PIK3C3: variants seen among roughly 807,000 people sequenced by gnomAD.
PIK3C3 encodes phosphatidylinositol 3-kinase catalytic subunit type 3.
Under a neutral mutation model 126.1 loss-of-function variants are expected in PIK3C3, and 95 were observed. The observed-to-expected ratio is 0.75, with a 90% CI of 0.64 to 0.89. PIK3C3 has a LOEUF of 0.89. Among genes scored for constraint, PIK3C3 ranks in the 40% least tolerant of loss-of-function variants. The pLI is 0.00. For synonymous variants in PIK3C3, 374 were observed against 360.0 expected, an observed-to-expected ratio of 1.04 and a Z score of -0.44; for missense variants, 829 against 1,063.2, an observed-to-expected ratio of 0.78 and a Z score of 3.06.
intron 2 of PIK3C3, among the ~76,000 whole-genome samples, chr18:41,958,586 C>G (rs1212948981): frequency 1.3e-5 from 2 of 152,082 alleles, no homozygotes; most frequent in Non-Finnish European, 2.9e-5. Context: ...GTGATCTGGC[C>G]ATATCGAAAC....
intron 4 of PIK3C3, among the ~76,000 whole-genome samples, chr18:41,982,555 C>G (rs1378778145): frequency 6.6e-6 from 1 of 152,156 alleles, no homozygotes; most frequent in African/African-American, 2.4e-5. Context: ...CCCAACGGAG[C>G]TTTCTCCACA....
At chr18:42,002,562 A>G (rs1029599705) in intron 9 of PIK3C3, among the ~76,000 whole-genome samples, 2 of 152,212 alleles carry the variant, frequency 1.3e-5, no homozygotes, top group Non-Finnish European at 1.5e-5. Flanking sequence ...TTGGTTCATT[A>G]TAGTTAAAAT....
intron 13 of PIK3C3, among the ~76,000 whole-genome samples, chr18:42,022,818 A>G (rs1277123178): frequency 6.6e-6 from 1 of 152,122 alleles, no homozygotes; most frequent in Admixed American, 6.6e-5. Flanking sequence ...TCTTTCTTTG[A>G]AAGGTTTACT....
At chr18:41,972,308 T>G (rs1980709223) in intron 4 of PIK3C3, among the ~76,000 whole-genome samples, 1 of 152,064 alleles carries the variant, frequency 6.6e-6, no homozygotes, top group Non-Finnish European at 1.5e-5. Flanking sequence ...GAAAGAAGCC[T>G]TCTTAATGTT....
intron 3 of PIK3C3, among the ~76,000 whole-genome samples, chr18:41,968,050 T>C (rs1449284494): frequency 2.0e-5 from 3 of 152,218 alleles, no homozygotes; most frequent in Non-Finnish European, 4.4e-5. Flanking sequence ...AAGTAATATG[T>C]TCACTTGCTC....
chr18:42,036,584 T>A (rs2144460231), intron 16 of PIK3C3, among the ~76,000 whole-genome samples: 1 of 152,182 alleles, frequency 6.6e-6, no homozygotes. Context: ...AGCATGCCAC[T>A]TTATGTGAGG....
chr18:41,958,426 T>G (rs1421104004), intron 2 of PIK3C3, among the ~76,000 whole-genome samples: 1 of 152,178 alleles, frequency 6.6e-6, no homozygotes, highest in Non-Finnish European at 1.5e-5. Context: ...ATACACAGGC[T>G]GTATGCTTTT....
rs1169570578 is a variant in PIK3C3, at chr18:42,060,816, CAAGT to C, written c.2432+2769_2432+2772del. On this transcript the variant is annotated intron_variant, in intron 22 of 24. Coordinates refer to ENST00000262039, the MANE Select transcript of PIK3C3 (RefSeq NM_002647.4). ...AATTTAAAAAAATGTGTTTAACTATCAAGTAAGGTTCTCATATTGTCTCAGAGAT... is the reference window on the plus strand; with the variant it reads ...AATTTAAAAAAATGTGTTTAACTATCAAGGTTCTCATATTGTCTCAGAGAT... Among the ~76,000 whole-genome samples, 4 of 152,050 alleles carry C rather than the reference CAAGT, an allele frequency of 2.6e-5. No homozygotes were observed. The South Asian group carries it at 8.3e-4, about 32-fold the overall frequency.
intron 21 of PIK3C3, among the ~76,000 whole-genome samples, chr18:42,055,269 C>T (rs1016219644): frequency 6.6e-6 from 1 of 152,046 alleles, no homozygotes; most frequent in Non-Finnish European, 1.5e-5. Flanking sequence ...AGCTCCTTTT[C>T]GCCTTTATAG....
intron 24 of PIK3C3, among the ~76,000 whole-genome samples, chr18:42,079,018 C>T (rs572568000): frequency 3.3e-5 from 5 of 152,304 alleles, no homozygotes; most frequent in African/African-American, 4.8e-5. Flanking sequence ...TCTCATCATT[C>T]GTGTATTCAC....
At chr18:42,002,130 A>G (rs2144377533) in intron 9 of PIK3C3, among the ~76,000 whole-genome samples, 1 of 152,322 alleles carries the variant, frequency 6.6e-6, no homozygotes, top group South Asian at 2.1e-4. Flanking sequence ...GCCAGCTTCT[A>G]AAGGAATAGC....
At position 42,037,729 on chromosome 18, in the gene PIK3C3, A is replaced by C; in HGVS notation, c.1877A>C (p.Glu626Ala). 1 of 1,612,240 alleles carries C rather than the reference A, an allele frequency of 6.2e-7. No individual in the cohort carries two copies. The highest frequency in any genetic ancestry group is 8.5e-7 in the Non-Finnish European group (1 of 1,178,600). ...CCTGCACAGTTGTTTTTTAAGACGG[A>C]AGATGGAGGCAAATATCCAGTTATA... is the stretch of plus-strand genomic sequence containing the variant. The part of the protein sequence containing the change: ...LMPAQLFFKT[E>A]DGGKYPVIFK... The change falls in exon 17 of 25, where the codon GAA becomes GCA. Residue 626 changes from glutamate (E) to alanine (A), a missense_variant. Around this residue, in one of 4 missense-constraint regions of PIK3C3, gnomAD observed 256 missense variants for 291.0 expected, o/e 0.88. Coordinates refer to ENST00000262039, the MANE Select transcript of PIK3C3 (RefSeq NM_002647.4).
intron 22 of PIK3C3, 27 bp downstream of exon 22, chr18:42,058,078 A>G (rs1305768940): frequency 6.6e-7 from 1 of 1,520,618 alleles, no homozygotes; most frequent in South Asian, 1.3e-5. Flanking sequence ...GGCACAGAGA[A>G]TTTGGGTAAA....
intron 10 of PIK3C3, 29 bp from the exon 11 acceptor site, chr18:42,013,413 A>G: frequency 7.4e-7 from 1 of 1,353,658 alleles, no homozygotes; most frequent in Non-Finnish European, 1.0e-6. Flanking sequence ...TCTTTTCCTA[A>G]TATTACTTTA....
intron 24 of PIK3C3, among the ~76,000 whole-genome samples, chr18:42,078,655 T>C (rs1230134132): frequency 2.6e-5 from 4 of 152,214 alleles, no homozygotes; most frequent in Non-Finnish European, 4.4e-5. Flanking sequence ...TGGCATCTTA[T>C]TCATTAGAAG....
At chr18:42,020,312 C>G (rs1299517600) in intron 12 of PIK3C3, among the ~76,000 whole-genome samples, 1 of 152,048 alleles carries the variant, frequency 6.6e-6, no homozygotes, top group East Asian at 1.9e-4. Flanking sequence ...TTTGGTCTTG[C>G]CTGAATGTCA....
At chr18:42,032,146 A>G (rs529720959) in intron 15 of PIK3C3, among the ~76,000 whole-genome samples, 2 of 152,204 alleles carry the variant, frequency 1.3e-5, no homozygotes, top group African/African-American at 4.8e-5. Flanking sequence ...TAAGAGAGCA[A>G]GCCGGTCTTC....
At chr18:41,993,548 A>C (rs561578638) in intron 7 of PIK3C3, among the ~76,000 whole-genome samples, 2 of 152,172 alleles carry the variant, frequency 1.3e-5, no homozygotes, top group South Asian at 4.1e-4. Flanking sequence ...GTAAGGGTAG[A>C]GTAGGGTTGG....
At chr18:42,015,719 C>T (rs1983044460) in intron 12 of PIK3C3, among the ~76,000 whole-genome samples, 153 bp downstream of exon 12, 1 of 152,088 alleles carries the variant, frequency 6.6e-6, no homozygotes, top group South Asian at 2.1e-4. Context: ...AACTTTTCCC[C>T]CTCAGCATAA....
Sources: gnomAD v4.1 joint callset for allele counts (sites outside exome capture counted in the v4.1 genomes callset) on GRCh38, gnomAD v4.1.1 for gene constraint, gnomAD v4.1.1 regional missense constraint, MANE v1.5 for transcripts, NCBI Gene and HGNC (gene_info 2026-07-23, HGNC 2026-07-21) for gene names.